Variants in SAMD15 observed in about 807,000 individuals in gnomAD.
SAMD15 encodes sterile alpha motif domain containing 15, also known as sterile alpha motif domain-containing protein 15.
A neutral mutation model predicts 50.5 loss-of-function variants in SAMD15; 37 were observed. That is an observed-to-expected ratio of 0.73 (90% CI 0.56 to 0.96). The LOEUF (loss-of-function observed/expected upper bound fraction) is 0.96, where lower values mean the gene tolerates loss of function less well. Ranked by LOEUF, SAMD15 falls within the 40% of genes least tolerant of loss-of-function variation. The pLI, the probability that SAMD15 is intolerant of heterozygous loss-of-function variation, is 0.00. For synonymous variants in SAMD15, 255 were observed against 282.8 expected, an observed-to-expected ratio of 0.90 and a Z score of 0.99; for missense variants, 789 against 783.8, an observed-to-expected ratio of 1.01 and a Z score of -0.08.
chr14:77,390,916 A>G (rs973747153), intron 2 of SAMD15, 92 bp from the exon 3 acceptor site: 12 of 789,462 alleles, frequency 1.5e-5, no homozygotes, highest in African/African-American at 6.9e-5. Context: ...TAAGGAGTTA[A>G]TATTCAAGAG....
chr14:77,385,624 T>C (rs1431126251), intron 2 of SAMD15, among the ~76,000 whole-genome samples: 1 of 152,182 alleles, frequency 6.6e-6, no homozygotes, highest in Non-Finnish European at 1.5e-5. Flanking sequence ...TCTCCTTATA[T>C]GTAAATATGT....
At chr14:77,384,898 G>C (rs1893986704) in intron 2 of SAMD15, among the ~76,000 whole-genome samples, 1 of 152,056 alleles carries the variant, frequency 6.6e-6, no homozygotes, top group Admixed American at 6.6e-5. Flanking sequence ...AAATAAGCAT[G>C]GGGGCCGGGC....
In SAMD15 at chr14:77,391,468, C is replaced by T. The variant is rs928235798; in HGVS notation, c.*224C>T. 15 of 401,230 alleles carry T rather than the reference C, an allele frequency of 3.7e-5. No homozygotes were observed. The highest frequency in any genetic ancestry group is 2.7e-4 in the African/African-American group (13 of 48,588). The allele number at this position is 401,230 out of a possible 1,614,324, so 24.9% of individuals were successfully genotyped here. On this transcript the variant is annotated 3_prime_UTR_variant, in exon 3 of 3. Transcript: ENST00000216471. ...GAGTAGCTGGGATTACAGGCATCCG[C>T]CATCATGCCCAGCTAATTTTTGTAT...
At chr14:77,389,090 TAAAAC>T (rs71452846) in intron 2 of SAMD15, among the ~76,000 whole-genome samples, 26,449 of 151,282 alleles carry the variant, frequency 0.17, 2,579 homozygotes, top group Middle Eastern at 0.28. Context: ...ACCCCATCTC[TAAAAC>T]AAAACAAAAC....
intron 2 of SAMD15, among the ~76,000 whole-genome samples, chr14:77,388,926 G>A (rs1894039567): frequency 6.6e-6 from 1 of 151,980 alleles, no homozygotes; most frequent in African/African-American, 2.4e-5. Context: ...GTTCTTAGAA[G>A]CCCCAACTGA....
chr14:77,386,360 A>T (rs1894006428), intron 2 of SAMD15, among the ~76,000 whole-genome samples: 1 of 152,198 alleles, frequency 6.6e-6, no homozygotes, highest in Non-Finnish European at 1.5e-5. Context: ...ACATAAGTGG[A>T]ATCAAATAAT....
rs778661638 is a variant in SAMD15, at chr14:77,378,339, G to A, written c.921G>A (p.Arg307=). The part of the protein sequence containing the change: ...TEEKGTELPE[R]TKPDFPDHKP... ...AGAAAGGGACAGAACTACCTGAGCG[G>A]ACTAAACCAGACTTTCCAGACCACA... The change falls in exon 1 of 3, where the codon CGG becomes CGA. Residue 307 remains arginine (R), a synonymous_variant. Coordinates refer to ENST00000216471, the MANE Select transcript of SAMD15 (RefSeq NM_001010860.4). The A allele has an allele frequency of 1.9e-6, 3 of 1,612,700 alleles. No homozygotes were observed. Among genetic ancestry groups the A allele is most frequent in the South Asian group, 1.1e-5 (1 of 90,840 alleles).
chr14:77,390,229 C>G (rs1894055808), intron 2 of SAMD15, among the ~76,000 whole-genome samples: 1 of 152,028 alleles, frequency 6.6e-6, no homozygotes, highest in African/African-American at 2.4e-5. Context: ...CTCCTGACTT[C>G]CGGTGATCTG....
At position 77,377,770 on chromosome 14, in the gene SAMD15, T is replaced by G. The variant is rs371745458; in HGVS notation, c.352T>G (p.Phe118Val). Reference sequence around the variant, plus strand: ...GGAAACATCCAGAGAGATGGGAGAGTTTTTCAAAGATTTGGAGGCCCCTAT... The same window carrying G: ...GGAAACATCCAGAGAGATGGGAGAGGTTTTCAAAGATTTGGAGGCCCCTAT... The part of the protein sequence containing the change: ...KSETSREMGE[F>V]FKDLEAPMDE... Residue 118 changes from phenylalanine (F) to valine (V), a missense_variant, in exon 1 of 3, where the codon TTT becomes GTT. Physicochemically the swap from Phe to Val is conservative, Grantham distance 50. Coordinates refer to ENST00000216471, the MANE Select transcript of SAMD15 (RefSeq NM_001010860.4). 5.6e-5 allele frequency: 89 copies of G among 1,602,484 alleles called. No individual in the cohort carries two copies. The highest frequency in any genetic ancestry group is 3.2e-4 in the African/African-American group (23 of 71,142).
chr14:77,386,940 A>G (rs1236003597), intron 2 of SAMD15, among the ~76,000 whole-genome samples: 1 of 152,236 alleles, frequency 6.6e-6, no homozygotes, highest in Non-Finnish European at 1.5e-5. Context: ...GGTTGAGGCC[A>G]TGTGAAGTAG....
chr14:77,377,807 A>T lies in SAMD15; in HGVS notation c.389A>T (p.His130Leu). 6.2e-7 allele frequency: 1 copy of T among 1,614,164 alleles called. No individual in the cohort carries two copies. Among genetic ancestry groups the T allele is most frequent in the South Asian group, 1.1e-5 (1 of 91,088 alleles). The change falls in exon 1 of 3, where the codon CAT (histidine) becomes CTT (leucine). Residue 130 changes from histidine (H) to leucine (L), a missense_variant. By Grantham distance (99) the His-to-Leu change is moderately conservative. Transcript: ENST00000216471. The part of the protein sequence containing the change: ...KDLEAPMDET[H>L]KESDLEPPEE... ...TTGGAGGCCCCTATGGATGAAACGC[A>T]TAAAGAGTCAGACCTAGAGCCACCA... is the stretch of plus-strand genomic sequence containing the variant.
chr14:77,378,509 T>G lies in SAMD15; in HGVS notation c.1091T>G (p.Ile364Arg), dbSNP rs1893889282. 3.1e-6 allele frequency: 5 copies of G among 1,613,248 alleles called. No individual in the cohort carries two copies. The highest frequency in any genetic ancestry group is 1.3e-5 in the African/African-American group (1 of 74,706). The part of the protein sequence containing the change: ...EMMKPESPEE[I>R]RKSNEKKNPQ... ...ATGAAACCAGAAAGTCCAGAAGAGA[T>G]AAGAAAGTCAAATGAGAAAAAAAAT... Residue 364 changes from isoleucine to arginine, a missense_variant, in exon 1 of 3, where the codon ATA becomes AGA. By Grantham distance (97) the Ile-to-Arg change is moderately conservative (BLOSUM62 -3). This residue lies in a region of SAMD15 where 770 missense variants were observed against 745.4 expected (regional missense o/e 1.03). Coordinates refer to ENST00000216471, the MANE Select transcript of SAMD15 (RefSeq NM_001010860.4).
chr14:77,389,529 C>G (rs941123791), intron 2 of SAMD15, among the ~76,000 whole-genome samples: 2 of 122,058 alleles, frequency 1.6e-5, no homozygotes, highest in Non-Finnish European at 3.2e-5. Context: ...GAGACAGAGT[C>G]TCTCTCTGTC....
chr14:77,379,487 GC>G (rs1893917644), intron 1 of SAMD15, among the ~76,000 whole-genome samples: 1 of 151,596 alleles, frequency 6.6e-6, no homozygotes, highest in Non-Finnish European at 1.5e-5. Flanking sequence ...CCAGGTTCAC[GC>G]CATTCTCCTG....
chr14:77,386,660 A>G (rs568096564), intron 2 of SAMD15, among the ~76,000 whole-genome samples: 11 of 152,238 alleles, frequency 7.2e-5, no homozygotes, highest in African/African-American at 2.6e-4. Flanking sequence ...TAATAATAAT[A>G]GTGGTATAGA....
intron 2 of SAMD15, among the ~76,000 whole-genome samples, chr14:77,387,920 G>C (rs1894024125): frequency 6.6e-6 from 1 of 152,108 alleles, no homozygotes; most frequent in Non-Finnish European, 1.5e-5. Flanking sequence ...TCATGCATCT[G>C]TTGTCCCAGC....
At chr14:77,379,136 A>G in intron 1 of SAMD15, 29 bp downstream of exon 1, 1 of 1,592,512 alleles carries the variant, frequency 6.3e-7, no homozygotes, top group Non-Finnish European at 8.6e-7. Flanking sequence ...TTTTGAAATC[A>G]CATGCTGTCA....
At position 77,391,343 on chromosome 14, in the gene SAMD15, T is replaced by A. The variant is rs900573280; in HGVS notation, c.*99T>A. 2.4e-5 allele frequency: 19 copies of A among 780,902 alleles called. No homozygotes were observed. The highest frequency in any genetic ancestry group is 7.9e-5 in the East Asian group (3 of 37,748). 48.4% of individuals were successfully genotyped at this position (780,902 alleles called of 1,614,324 possible). ...TTCTTTTTCTCCTTTTTTTTTTTTT[T>A]ATTTTTTTGAGACAGAGTCTTGCTC... On this transcript the variant is annotated 3_prime_UTR_variant, in exon 3 of 3. Transcript: ENST00000216471.
intron 2 of SAMD15, among the ~76,000 whole-genome samples, chr14:77,390,355 T>G (rs1594863962): frequency 6.6e-6 from 1 of 152,080 alleles, no homozygotes; most frequent in Non-Finnish European, 1.5e-5. Context: ...GACAAGTTAT[T>G]TAATAACCTT....
Sources: allele counts gnomAD v4.1 joint callset (sites outside exome capture counted in the v4.1 genomes callset), GRCh38; gene constraint gnomAD v4.1.1; regional missense constraint gnomAD v4.1.1; transcripts MANE v1.5; gene names NCBI Gene and HGNC (gene_info 2026-07-23, HGNC 2026-07-21).